Variants in ADAMTS2 observed in about 807,000 individuals in gnomAD.
ADAMTS2 encodes the protein ADAM metallopeptidase with thrombospondin type 1 motif 2, also known as A disintegrin and metalloproteinase with thrombospondin motifs 2.
ADAMTS2 carries 50 observed loss-of-function variants against 123.0 expected under a neutral mutation model. That is an observed-to-expected ratio of 0.41 (90% CI 0.32 to 0.51). ADAMTS2 has a LOEUF of 0.51. ADAMTS2 is among the 20% of genes least tolerant of loss of function. ADAMTS2 has a pLI of 0.35. For synonymous variants in ADAMTS2, 678 were observed against 695.4 expected (o/e 0.98, Z 0.39); for missense variants, 1,494 against 1,705.2 (o/e 0.88, Z 2.18).
At chr5:179,246,121 A>C (rs1240578476) in intron 3 of ADAMTS2, among the ~76,000 whole-genome samples, 1 of 152,224 alleles carries the variant, frequency 6.6e-6, no homozygotes, top group Non-Finnish European at 1.5e-5. Flanking sequence ...TTACTTGCTT[A>C]CCATTATCTT....
At position 179,171,443 on chromosome 5, in the gene ADAMTS2, C is replaced by T. The variant is rs1392105901; in HGVS notation, c.975+9629G>A. 2.6e-5 allele frequency among the ~76,000 whole-genome samples: 4 copies of T among 152,228 alleles called. No homozygotes were observed. In the East Asian group the frequency reaches 7.7e-4, roughly 29 times the overall value. On this transcript the variant is annotated intron_variant, in intron 5 of 21. Coordinates refer to ENST00000251582, the MANE Select transcript of ADAMTS2 (RefSeq NM_014244.5). Reference sequence around the variant, plus strand: ...TGCCACCTCCTCTGCTCTACTATTTCCTGCACTTTTGCAGTAGGTCCAACC... The same window carrying T: ...TGCCACCTCCTCTGCTCTACTATTTTCTGCACTTTTGCAGTAGGTCCAACC...
In ADAMTS2 at chr5:179,317,973, G is replaced by A. The variant is rs1436813199; in HGVS notation, c.534+25794C>T. 6.6e-6 allele frequency among the ~76,000 whole-genome samples: 1 copy of A among 152,158 alleles called. No homozygotes were observed. Among genetic ancestry groups the A allele is most frequent in the East Asian group, 1.9e-4 (1 of 5,184 alleles). ...GGGTGGAGCCGGGACATGAGGAACG[G>A]GCAGTGATGAATCTGAAGCCCTGCT... On this transcript the variant is annotated intron_variant, in intron 2 of 21. Transcript: ENST00000251582. The surrounding 1 kb of genome is among the most constrained non-coding windows in gnomAD (Gnocchi z 4.9).
chr5:179,196,971 C>T (rs867565033), intron 4 of ADAMTS2, among the ~76,000 whole-genome samples: 26 of 152,396 alleles, frequency 1.7e-4, no homozygotes, highest in Middle Eastern at 6.8e-3. Context: ...TTTAGAATCT[C>T]CAGTTTACCT....
At chr5:179,333,980 G>C (rs1757544980) in intron 2 of ADAMTS2, among the ~76,000 whole-genome samples, 2 of 152,174 alleles carry the variant, frequency 1.3e-5, no homozygotes, top group African/African-American at 2.4e-5. Flanking sequence ...AGTGGGACTG[G>C]AAGAGCAGGA....
rs1762641865 is a variant in ADAMTS2, at chr5:179,115,462, A to G, written c.3179-1138T>C. 6.6e-6 allele frequency among the ~76,000 whole-genome samples: 1 copy of G among 152,096 alleles called. No homozygotes were observed. The highest frequency in any genetic ancestry group is 1.5e-5 in the Non-Finnish European group (1 of 68,012). On this transcript the variant is annotated intron_variant, in intron 21 of 21. Transcript: ENST00000251582. This position sits in a 1 kb window ranked among gnomAD's most constrained non-coding sequence, Gnocchi z 4.4. ...AATCACTGACCTCCGTGAGCCCAACACCGCCTGTTGTGGTCTCTGCTCAGC... is the reference window on the plus strand; with the variant it reads ...AATCACTGACCTCCGTGAGCCCAACGCCGCCTGTTGTGGTCTCTGCTCAGC...
chr5:179,186,688 C>T (rs1366375446), intron 4 of ADAMTS2, among the ~76,000 whole-genome samples: 1 of 152,210 alleles, frequency 6.6e-6, no homozygotes, highest in African/African-American at 2.4e-5. Context: ...AGAGAGTCGA[C>T]TGATGTGGCA....
At chr5:179,131,445 C>T (rs1197775823) in intron 15 of ADAMTS2, among the ~76,000 whole-genome samples, 1 of 151,846 alleles carries the variant, frequency 6.6e-6, no homozygotes, top group African/African-American at 2.4e-5. Flanking sequence ...TGTCAGGCAG[C>T]GTGGGTGCTG....
Position 179,207,497 on chromosome 5 carries a change from C to CA in ADAMTS2, c.891+15dup. On this transcript the variant is annotated intron_variant, in intron 4 of 21. Transcript: ENST00000251582. ...CCCTCCCCGCCCCACCCTGCCCCCTCAGCCACCCCACTCACAATGTTCATG... is the reference window on the plus strand; with the variant it reads ...CCCTCCCCGCCCCACCCTGCCCCCTCAAGCCACCCCACTCACAATGTTCATG... 1 of 1,511,486 alleles carries CA rather than the reference C, an allele frequency of 6.6e-7. No homozygotes were observed. The highest frequency in any genetic ancestry group is 9.1e-7 in the Non-Finnish European group (1 of 1,099,312). 93.6% of individuals were successfully genotyped at this position (1,511,486 alleles called of 1,614,324 possible).
At position 179,184,635 on chromosome 5, in the gene ADAMTS2, G is replaced by A. The variant is rs972269690; in HGVS notation, c.892-3480C>T. 3.9e-5 allele frequency among the ~76,000 whole-genome samples: 6 copies of A among 152,128 alleles called. No homozygotes were observed. The East Asian group carries it at 1.2e-3, about 29-fold the overall frequency. On this transcript the variant is annotated intron_variant, in intron 4 of 21. Coordinates refer to ENST00000251582, the MANE Select transcript of ADAMTS2 (RefSeq NM_014244.5). ...CAGCACAGCCACGGGCCCCTCACAG[G>A]CTCTCAATGGGACTTCTCAAACTAA...
At chr5:179,144,042 TC>T (rs1763214903) in intron 10 of ADAMTS2, among the ~76,000 whole-genome samples, 1 of 151,970 alleles carries the variant, frequency 6.6e-6, no homozygotes, top group South Asian at 2.1e-4. Context: ...TCCCAAAGAA[TC>T]CCCTACAAAA....
intron 3 of ADAMTS2, among the ~76,000 whole-genome samples, chr5:179,238,218 G>A (rs1197459978): frequency 6.6e-6 from 1 of 152,184 alleles, no homozygotes; most frequent in Non-Finnish European, 1.5e-5. Flanking sequence ...TCTGGAACAT[G>A]CAGCAGGTGG....
intron 10 of ADAMTS2, among the ~76,000 whole-genome samples, chr5:179,149,986 G>A (rs1188201488): frequency 1.3e-5 from 2 of 152,194 alleles, no homozygotes; most frequent in Non-Finnish European, 1.5e-5. Context: ...TCTCTGTGAG[G>A]TGGGGACACT....
Position 179,135,022 on chromosome 5 carries a change from GGCTCCA to G in ADAMTS2, c.2085+881_2085+886del, listed in dbSNP as rs1223750944. ...CTCCCGGCTCCAGTCCCCAGCTCCC[GGCTCCA>G]GCTCCAGCCCCCAGCTCCCGGCTCC... is the stretch of plus-strand genomic sequence containing the variant. On this transcript the variant is annotated intron_variant, in intron 13 of 21. Coordinates refer to ENST00000251582, the MANE Select transcript of ADAMTS2 (RefSeq NM_014244.5). Among the ~76,000 whole-genome samples, 531 of 57,130 alleles carry G rather than the reference GGCTCCA, an allele frequency of 9.3e-3. 25 individuals are homozygous for G. The highest frequency in any genetic ancestry group is 0.018 in the Non-Finnish European group (380 of 20,610). 37.5% of individuals were successfully genotyped at this position (57,130 alleles called of 152,430 possible).
intron 10 of ADAMTS2, 81 bp from the exon 11 acceptor site, chr5:179,140,116 T>C (rs1763137929): frequency 6.3e-7 from 1 of 1,599,396 alleles, no homozygotes; most frequent in African/African-American, 1.3e-5. Flanking sequence ...GCCTGCAGTG[T>C]CTGGGACACG....
At chr5:179,259,704 T>C (rs1001804100) in intron 3 of ADAMTS2, among the ~76,000 whole-genome samples, 1 of 152,244 alleles carries the variant, frequency 6.6e-6, no homozygotes, top group African/African-American at 2.4e-5. Context: ...CCTCGCCATC[T>C]GCAGTCTGGC....
chr5:179,281,047 G>A (rs1766888340), intron 2 of ADAMTS2, among the ~76,000 whole-genome samples: 1 of 152,114 alleles, frequency 6.6e-6, no homozygotes, highest in African/African-American at 2.4e-5. Context: ...TAGTAGAGAT[G>A]GGGTTTCACC....
At chr5:179,119,233 C>G (rs1198650404) in intron 21 of ADAMTS2, among the ~76,000 whole-genome samples, 1 of 152,202 alleles carries the variant, frequency 6.6e-6, no homozygotes, top group Non-Finnish European at 1.5e-5. Context: ...GCTGCGATTG[C>G]TTTTGATGAT....
intron 13 of ADAMTS2, 32 bp downstream of exon 13, chr5:179,135,877 G>A (rs1296552392): frequency 6.2e-7 from 1 of 1,612,252 alleles, no homozygotes. Context: ...ACTTGACACG[G>A]TAGCCCCCCG....
At chr5:179,322,200 C>T (rs531031194) in intron 2 of ADAMTS2, among the ~76,000 whole-genome samples, 3 of 152,294 alleles carry the variant, frequency 2.0e-5, no homozygotes, top group South Asian at 4.1e-4. Flanking sequence ...AAAGACAGGA[C>T]AAAAAGTTGC....
Sources: allele counts gnomAD v4.1 joint callset (sites outside exome capture counted in the v4.1 genomes callset), GRCh38; gene constraint gnomAD v4.1.1; non-coding constraint Gnocchi (gnomAD v3.1); transcripts MANE v1.5; gene names NCBI Gene and HGNC (gene_info 2026-07-23, HGNC 2026-07-21).